The following CCSER1 variants were observed in gnomAD, a reference collection of about 807,000 sequenced individuals.
The protein encoded by CCSER1 is coiled-coil serine rich protein 1, also known as serine-rich coiled-coil domain-containing protein 1.
A neutral mutation model predicts 82.0 loss-of-function variants in CCSER1; 41 were observed. The observed-to-expected ratio is 0.50, with a 90% CI of 0.39 to 0.65. CCSER1 has a LOEUF of 0.65. CCSER1 is among the 30% of genes least tolerant of loss of function. The probability of loss-of-function intolerance (pLI) is 0.00; values close to 1 mark genes in which losing one functional copy is unlikely to be tolerated. For missense variants in CCSER1, 1,119 were observed against 1,064.2 expected, an observed-to-expected ratio of 1.05 and a Z score of -0.72; for synonymous variants, 414 against 383.9, an observed-to-expected ratio of 1.08 and a Z score of -0.92.
intron 10 of CCSER1, among the ~76,000 whole-genome samples, chr4:91,260,822 G>A (rs62311999): frequency 0.55 from 83,279 of 151,846 alleles, 23,961 homozygotes; most frequent in African/African-American, 0.75. Flanking sequence ...GTGCAATGGC[G>A]CGATCTCGGC....
At chr4:90,858,618 T>C (rs1274681221) in intron 8 of CCSER1, among the ~76,000 whole-genome samples, 2 of 151,966 alleles carry the variant, frequency 1.3e-5, no homozygotes, top group African/African-American at 4.8e-5. Flanking sequence ...AAGTGACTTT[T>C]CCACTTCAAA....
At chr4:90,834,078 T>C (rs1287231041) in intron 8 of CCSER1, among the ~76,000 whole-genome samples, 1 of 152,220 alleles carries the variant, frequency 6.6e-6, no homozygotes, top group Non-Finnish European at 1.5e-5. Flanking sequence ...TATTCTCTTA[T>C]AGCAACAGAA....
At chr4:90,415,299 G>A (rs1026430808) in intron 4 of CCSER1, among the ~76,000 whole-genome samples, 1 of 152,216 alleles carries the variant, frequency 6.6e-6, no homozygotes, top group Non-Finnish European at 1.5e-5. Context: ...GAGACATCAT[G>A]CTGCCAGTTC....
At chr4:90,649,111 A>G (rs1369528842) in intron 6 of CCSER1, among the ~76,000 whole-genome samples, 1 of 152,226 alleles carries the variant, frequency 6.6e-6, no homozygotes, top group Non-Finnish European at 1.5e-5. Context: ...GAAATTTTTC[A>G]TACAGAAGCA....
chr4:91,208,899 C>G (rs965748206), intron 10 of CCSER1, among the ~76,000 whole-genome samples: 14 of 151,708 alleles, frequency 9.2e-5, no homozygotes, highest in African/African-American at 3.4e-4. Flanking sequence ...TGAGCAGTGT[C>G]TTGTAATTGT....
chr4:91,407,495 A>G (rs1338708853), intron 10 of CCSER1, among the ~76,000 whole-genome samples: 2 of 152,190 alleles, frequency 1.3e-5, no homozygotes, highest in African/African-American at 2.4e-5. Context: ...AAGAGAATGA[A>G]CGGCCTTTTT....
intron 10 of CCSER1, among the ~76,000 whole-genome samples, chr4:91,091,185 G>A (rs192785877): frequency 6.6e-6 from 1 of 152,238 alleles, no homozygotes; most frequent in East Asian, 1.9e-4. Context: ...CAAATTATAA[G>A]ATTATGCGTT....
intron 10 of CCSER1, among the ~76,000 whole-genome samples, chr4:91,369,852 AT>A (rs1211397873): frequency 3.6e-5 from 5 of 138,864 alleles, no homozygotes; most frequent in African/African-American, 5.3e-5. Context: ...TTTTTTTTGT[AT>A]TTTTTTTTAG....
chr4:90,442,455 T>C (rs1760025399), intron 4 of CCSER1, among the ~76,000 whole-genome samples: 1 of 151,894 alleles, frequency 6.6e-6, no homozygotes, highest in South Asian at 2.1e-4. Context: ...GGGAAAACTC[T>C]AGTTCCACAG....
chr4:90,460,133 T>G (rs1034773855), intron 4 of CCSER1, among the ~76,000 whole-genome samples: 1 of 145,862 alleles, frequency 6.9e-6, no homozygotes, highest in Non-Finnish European at 1.5e-5. Context: ...GAGACCATCC[T>G]GGCTAACACG....
At chr4:90,491,165 C>A (rs1318955448) in intron 5 of CCSER1, among the ~76,000 whole-genome samples, 1 of 105,262 alleles carries the variant, frequency 9.5e-6, no homozygotes, top group Non-Finnish European at 1.6e-5. Context: ...ATGGAATGTT[C>A]TTCCATTTTT....
intron 10 of CCSER1, among the ~76,000 whole-genome samples, chr4:91,207,635 G>A (rs931444365): frequency 2.6e-5 from 4 of 151,868 alleles, no homozygotes; most frequent in Non-Finnish European, 5.9e-5. Flanking sequence ...TACTAATGAT[G>A]GGCATTTAGG....
chr4:90,771,573 A>G (rs1468077153), intron 7 of CCSER1, among the ~76,000 whole-genome samples: 1 of 150,950 alleles, frequency 6.6e-6, no homozygotes, highest in Non-Finnish European at 1.5e-5. Context: ...ACTAAAAAAA[A>G]AAAAAAAAAG....
intron 3 of CCSER1, among the ~76,000 whole-genome samples, chr4:90,333,394 C>T (rs1307690062): frequency 6.6e-6 from 1 of 151,918 alleles, no homozygotes; most frequent in Admixed American, 6.6e-5. Flanking sequence ...AACAGAATAA[C>T]AGAATTTCTC....
At chr4:90,684,517 A>T (rs1734457132) in intron 6 of CCSER1, among the ~76,000 whole-genome samples, 1 of 152,224 alleles carries the variant, frequency 6.6e-6, no homozygotes, top group Admixed American at 6.5e-5. Context: ...GCTTTAAATT[A>T]TGCTTGTGAA....
chr4:91,573,174 C>T (rs1483294826), intron 10 of CCSER1, among the ~76,000 whole-genome samples: 1 of 152,170 alleles, frequency 6.6e-6, no homozygotes, highest in Non-Finnish European at 1.5e-5. Flanking sequence ...GCTTGTACTC[C>T]AAAACCTGAA....
At chr4:90,757,097 C>T (rs377131424) in intron 7 of CCSER1, among the ~76,000 whole-genome samples, 1 of 152,014 alleles carries the variant, frequency 6.6e-6, no homozygotes, top group African/African-American at 2.4e-5. Context: ...TTTTATTTGT[C>T]TCACTTTTGA....
chr4:91,547,410 T>TA (rs1236037529), intron 10 of CCSER1, among the ~76,000 whole-genome samples: 2 of 152,212 alleles, frequency 1.3e-5, no homozygotes, highest in African/African-American at 2.4e-5. Flanking sequence ...TAAGGATTGT[T>TA]ACATTTTCTT....
chr4:90,275,773 TG>T (rs903898837), intron 1 of CCSER1, among the ~76,000 whole-genome samples: 48 of 152,190 alleles, frequency 3.2e-4, no homozygotes, highest in African/African-American at 1.1e-3. Flanking sequence ...TATACAAGTG[TG>T]ATCAAAATTA....
Sources: allele counts gnomAD v4.1 joint callset (sites outside exome capture counted in the v4.1 genomes callset), GRCh38; gene constraint gnomAD v4.1.1; transcripts MANE v1.5; gene names NCBI Gene and HGNC (gene_info 2026-07-23, HGNC 2026-07-21).